Variants in ACVR1 observed in about 807,000 individuals in gnomAD.
ACVR1 encodes the protein activin A receptor type 1.
In ACVR1, 38 loss-of-function variants were observed where a neutral mutation model predicts 57.1. The ratio of observed to expected loss-of-function variants is 0.67; its 90% confidence interval spans 0.51 to 0.87. ACVR1 has a LOEUF of 0.87. Among genes scored for constraint, ACVR1 ranks in the 40% least tolerant of loss-of-function variants. ACVR1 has a pLI of 0.00. For missense variants in ACVR1, 463 were observed against 638.2 expected, an observed-to-expected ratio of 0.73 and a Z score of 2.96; for synonymous variants, 212 against 228.1, an observed-to-expected ratio of 0.93 and a Z score of 0.63.
chr2:157,863,011 C>CTTTTT (rs374223805), intron 1 of ACVR1, among the ~76,000 whole-genome samples: 2 of 62,332 alleles, frequency 3.2e-5, no homozygotes, highest in African/African-American at 1.5e-4. Flanking sequence ...AGAACATTTA[C>CTTTTT]TTTTTTTTTT....
intron 7 of ACVR1, among the ~76,000 whole-genome samples, chr2:157,769,560 A>C (rs778296369): frequency 1.1e-4 from 17 of 152,216 alleles, no homozygotes; most frequent in Non-Finnish European, 2.4e-4. Flanking sequence ...TGACTCATTT[A>C]AATACTAAAT....
intron 1 of ACVR1, among the ~76,000 whole-genome samples, chr2:157,848,892 G>A (rs1288304324): frequency 6.6e-6 from 1 of 152,126 alleles, no homozygotes; most frequent in Non-Finnish European, 1.5e-5. Flanking sequence ...CAAAGAAACA[G>A]CTGACGAAGC....
At position 157,847,331 on chromosome 2, in the gene ACVR1, T is replaced by G. The variant is rs191069815; in HGVS notation, c.-183+28465A>C. Among the ~76,000 whole-genome samples the G allele has an allele frequency of 1.6e-4, 24 of 152,226 alleles. 1 individual carries two copies. The highest frequency in any genetic ancestry group is 5.8e-4 in the African/African-American group (24 of 41,534). On this transcript the variant is annotated intron_variant, in intron 1 of 10. Transcript: ENST00000434821. ...AGATCTAAAGTTCACAAAAAAACAC[T>G]AGGACATGCCTATCAGAGATTGACC...
chr2:157,781,806 G>C (rs540977843), intron 3 of ACVR1, among the ~76,000 whole-genome samples: 45 of 152,326 alleles, frequency 3.0e-4, no homozygotes, highest in African/African-American at 9.6e-4. Flanking sequence ...TGGTCCCACA[G>C]TTTCTACTAG....
chr2:157,864,024 A>C (rs574769806), intron 1 of ACVR1, among the ~76,000 whole-genome samples: 4 of 149,276 alleles, frequency 2.7e-5, no homozygotes, highest in African/African-American at 9.9e-5. Flanking sequence ...TGCCCGACTA[A>C]ATTTTTGTAT....
At chr2:157,830,936 C>T (rs920082971) in intron 1 of ACVR1, among the ~76,000 whole-genome samples, 3 of 152,100 alleles carry the variant, frequency 2.0e-5, no homozygotes, top group Admixed American at 2.0e-4. Context: ...ACATTTGCTA[C>T]ATTTTTTGTC....
intron 1 of ACVR1, among the ~76,000 whole-genome samples, chr2:157,846,337 G>A (rs1392717553): frequency 6.6e-6 from 1 of 152,208 alleles, no homozygotes; most frequent in Non-Finnish European, 1.5e-5. Flanking sequence ...GTCATGATTT[G>A]TTACAGCAGC....
At chr2:157,764,184 A>C (rs1269523501) in intron 8 of ACVR1, among the ~76,000 whole-genome samples, 1 of 151,526 alleles carries the variant, frequency 6.6e-6, no homozygotes, top group Non-Finnish European at 1.5e-5. Flanking sequence ...TGATCACACT[A>C]TATATATATT....
intron 3 of ACVR1, among the ~76,000 whole-genome samples, chr2:157,796,654 C>T (rs1574075887): frequency 6.6e-6 from 1 of 151,524 alleles, no homozygotes; most frequent in African/African-American, 2.4e-5. Flanking sequence ...TCTCAATATT[C>T]CTTAGATTTT....
intron 1 of ACVR1, among the ~76,000 whole-genome samples, chr2:157,874,509 A>G (rs756182265): frequency 6.6e-6 from 1 of 152,094 alleles, no homozygotes; most frequent in Non-Finnish European, 1.5e-5. Flanking sequence ...CCAGCAACCC[A>G]CCTCCAGAGA....
chr2:157,750,709 A>G (rs939416652), intron 9 of ACVR1, among the ~76,000 whole-genome samples: 1 of 152,226 alleles, frequency 6.6e-6, no homozygotes, highest in Non-Finnish European at 1.5e-5. Context: ...AACATGACAC[A>G]GTAAAGGAAC....
chr2:157,780,830 T>C (rs889496386), intron 3 of ACVR1, among the ~76,000 whole-genome samples: 1 of 151,196 alleles, frequency 6.6e-6, no homozygotes, highest in Admixed American at 6.6e-5. Flanking sequence ...TGCACCCTTT[T>C]AGATCATATT....
intron 2 of ACVR1, among the ~76,000 whole-genome samples, chr2:157,814,643 T>C (rs1687867348): frequency 6.6e-6 from 1 of 152,224 alleles, no homozygotes; most frequent in Admixed American, 6.5e-5. Flanking sequence ...ATCCCATAGA[T>C]ACACTCACAC....
intron 1 of ACVR1, among the ~76,000 whole-genome samples, chr2:157,822,264 A>G (rs995763465): frequency 1.3e-5 from 2 of 152,226 alleles, no homozygotes; most frequent in South Asian, 2.1e-4. Context: ...TCCGCAAATC[A>G]TTTAACCCCT....
At chr2:157,825,466 G>T (rs1688311432) in intron 1 of ACVR1, among the ~76,000 whole-genome samples, 4 of 152,150 alleles carry the variant, frequency 2.6e-5, no homozygotes, top group Non-Finnish European at 5.9e-5. Flanking sequence ...TAGGAACCCG[G>T]CCGCACAGCA....
At chr2:157,865,388 C>T (rs372998857) in intron 1 of ACVR1, among the ~76,000 whole-genome samples, 2 of 152,330 alleles carry the variant, frequency 1.3e-5, no homozygotes, top group African/African-American at 4.8e-5. Flanking sequence ...ATCCAATTCA[C>T]GGCACAACCT....
intron 1 of ACVR1, among the ~76,000 whole-genome samples, chr2:157,831,851 T>C (rs1688589597): frequency 6.6e-6 from 1 of 152,232 alleles, no homozygotes; most frequent in South Asian, 2.1e-4. Flanking sequence ...TAACATTAGA[T>C]AGTGGTGTCA....
chr2:157,738,804 C>T (rs193295646), intron 9 of ACVR1, among the ~76,000 whole-genome samples: 4 of 152,186 alleles, frequency 2.6e-5, no homozygotes, highest in African/African-American at 7.2e-5. Context: ...GAAGGAAATA[C>T]GTGAAAACTT....
intron 9 of ACVR1, among the ~76,000 whole-genome samples, chr2:157,742,541 C>T (rs889937267): frequency 3.9e-5 from 6 of 152,138 alleles, no homozygotes; most frequent in Non-Finnish European, 7.4e-5. Flanking sequence ...ATAGTTTTTT[C>T]CTGGGCATAT....
Sources: allele counts gnomAD v4.1 joint callset (sites outside exome capture counted in the v4.1 genomes callset), GRCh38; gene constraint gnomAD v4.1.1; transcripts MANE v1.5; gene names NCBI Gene and HGNC (gene_info 2026-07-23, HGNC 2026-07-21).